The following PBX4 variants were observed in gnomAD, a reference collection of about 807,000 sequenced individuals.
PBX4 encodes the protein PBX homeobox 4.
PBX4 carries 26 observed loss-of-function variants against 35.1 expected under a neutral mutation model. The observed-to-expected ratio is 0.74, with a 90% CI of 0.54 to 1.03. PBX4 has a LOEUF of 1.03. Among genes scored for constraint, PBX4 ranks in the 50% least tolerant of loss-of-function variants. PBX4 has a pLI of 0.00. For synonymous variants in PBX4, 199 were observed against 204.2 expected, an observed-to-expected ratio of 0.97 and a Z score of 0.22; for missense variants, 448 against 504.3, an observed-to-expected ratio of 0.89 and a Z score of 1.07.
rs543238502 is a variant in PBX4, at chr19:19,570,475, C to T, written c.441+111G>A. ...AATGGACCACCTCTGCAGCGACCAA[C>T]TGCATGGACTCCCTGTTCTGCGCCA... On this transcript the variant is annotated intron_variant, in intron 3 of 7. Transcript: ENST00000251203. 2.6e-5 allele frequency: 39 copies of T among 1,517,894 alleles called. 1 individual carries two copies. In the South Asian group the frequency reaches 4.4e-4, roughly 17 times the overall value. The allele number at this position is 1,517,894 out of a possible 1,614,324, so 94.0% of individuals were successfully genotyped here. A position where few individuals can be genotyped will look rare whatever the true frequency, so the allele number is the denominator to read the frequency against.
At chr19:19,567,497 A>C (rs984032884) in intron 5 of PBX4, among the ~76,000 whole-genome samples, 1 of 152,148 alleles carries the variant, frequency 6.6e-6, no homozygotes, top group African/African-American at 2.4e-5. Context: ...ACATGCAGCA[A>C]GCCATGCTGT....
At chr19:19,604,631 C>T (rs183451514) in intron 1 of PBX4, among the ~76,000 whole-genome samples, 17 of 151,194 alleles carry the variant, frequency 1.1e-4, no homozygotes, top group Admixed American at 7.9e-4. Context: ...GATGGAGTCT[C>T]GCTCTGTCAC....
chr19:19,600,154 A>G (rs2061588351), intron 1 of PBX4, among the ~76,000 whole-genome samples: 1 of 151,524 alleles, frequency 6.6e-6, no homozygotes, highest in South Asian at 2.1e-4. Flanking sequence ...TAATAATAAT[A>G]ATAATAATGT....
chr19:19,605,406 C>T (rs1333306803), intron 1 of PBX4, among the ~76,000 whole-genome samples: 2 of 106,070 alleles, frequency 1.9e-5, no homozygotes, highest in Non-Finnish European at 4.3e-5. Flanking sequence ...CAGAACAAGA[C>T]TCTGTCTCAA....
At position 19,563,720 on chromosome 19, in the gene PBX4, T is replaced by G; in HGVS notation, c.926-105A>C. On this transcript the variant is annotated intron_variant, in intron 6 of 7. Coordinates refer to ENST00000251203, the MANE Select transcript of PBX4 (RefSeq NM_025245.3). The surrounding 1 kb of genome is among the most constrained non-coding windows in gnomAD (Gnocchi z 5.1). ...AGGCCTCGAATGTGGCTCCTGCCCC[T>G]CCTCAGCATCCGGCCTCTGCTCCTC... The G allele has an allele frequency of 1.1e-6, 1 of 937,470 alleles. No homozygotes were observed. Among genetic ancestry groups the G allele is most frequent in the Non-Finnish European group, 1.7e-6 (1 of 593,914 alleles). The allele number at this position is 937,470 out of a possible 1,614,324, so 58.1% of individuals were successfully genotyped here. A position where few individuals can be genotyped will look rare whatever the true frequency, so the allele number is the denominator to read the frequency against.
intron 2 of PBX4, among the ~76,000 whole-genome samples, chr19:19,582,213 G>A (rs560472052): frequency 6.6e-5 from 10 of 152,330 alleles, no homozygotes; most frequent in African/African-American, 2.4e-4. Flanking sequence ...GGGCAAGGAA[G>A]TGCTGGGTAG....
chr19:19,566,247 C>T (rs1339668163), intron 5 of PBX4, among the ~76,000 whole-genome samples: 2 of 152,198 alleles, frequency 1.3e-5, no homozygotes, highest in African/African-American at 4.8e-5. Flanking sequence ...TGCTTGGGCT[C>T]CATCTGCTCT....
At chr19:19,570,010 GAC>G in intron 4 of PBX4, 97 bp downstream of exon 4, 2 of 1,285,730 alleles carry the variant, frequency 1.6e-6, no homozygotes, top group South Asian at 1.6e-5. Flanking sequence ...CGTGACTGCA[GAC>G]ACAGCCTCCA....
intron 1 of PBX4, among the ~76,000 whole-genome samples, chr19:19,617,057 C>G (rs1223196561): frequency 6.6e-6 from 1 of 152,204 alleles, no homozygotes; most frequent in Non-Finnish European, 1.5e-5. Context: ...CCGCTTTTTA[C>G]ATCCTCTTTC....
intron 4 of PBX4, among the ~76,000 whole-genome samples, chr19:19,569,842 G>A (rs1413552060): frequency 6.6e-6 from 1 of 152,162 alleles, no homozygotes; most frequent in Non-Finnish European, 1.5e-5. Context: ...CCTGGGAGGC[G>A]GAGGTTGTGG....
intron 5 of PBX4, among the ~76,000 whole-genome samples, chr19:19,565,739 G>A (rs1015735552): frequency 2.0e-5 from 3 of 151,984 alleles, no homozygotes; most frequent in Admixed American, 1.3e-4. Flanking sequence ...ACAACATGGA[G>A]AAACCCCATC....
intron 2 of PBX4, among the ~76,000 whole-genome samples, chr19:19,589,506 T>C (rs1298445996): frequency 1.3e-5 from 2 of 151,950 alleles, no homozygotes; most frequent in East Asian, 1.9e-4. Context: ...CGGTGGCTCA[T>C]GCCTGTAAAT....
chr19:19,604,055 T>G (rs1478111553), intron 1 of PBX4, among the ~76,000 whole-genome samples: 22 of 152,120 alleles, frequency 1.4e-4, no homozygotes, highest in Non-Finnish European at 3.2e-4. Flanking sequence ...ACTATTATGA[T>G]GATTTTAAAT....
intron 6 of PBX4, among the ~76,000 whole-genome samples, chr19:19,564,488 C>A (rs1034833634): frequency 4.6e-5 from 7 of 152,224 alleles, no homozygotes; most frequent in African/African-American, 1.4e-4. Flanking sequence ...TGGTCTCTAT[C>A]TCCTGACCTC....
At chr19:19,606,532 T>A (rs959408534) in intron 1 of PBX4, 14 of 152,142 alleles carry the variant, frequency 9.2e-5, no homozygotes, top group Non-Finnish European at 2.1e-4. Flanking sequence ...CCAAGGAAAC[T>A]GTGAGATAAT....
At chr19:19,585,156 T>A (rs879103333) in intron 2 of PBX4, among the ~76,000 whole-genome samples, 1 of 151,924 alleles carries the variant, frequency 6.6e-6, no homozygotes, top group Non-Finnish European at 1.5e-5. Context: ...TGAAACCCCA[T>A]CTCTATTAAA....
intron 2 of PBX4, among the ~76,000 whole-genome samples, chr19:19,581,739 A>ATT (rs2061455443): frequency 6.6e-6 from 1 of 152,178 alleles, no homozygotes; most frequent in African/African-American, 2.4e-5. Flanking sequence ...ATGCCAGCCC[A>ATT]GGGGTGTCAG....
At chr19:19,616,782 C>T (rs1437941265) in intron 1 of PBX4, among the ~76,000 whole-genome samples, 1 of 151,810 alleles carries the variant, frequency 6.6e-6, no homozygotes, top group African/African-American at 2.4e-5. Flanking sequence ...CTCCCAGGTT[C>T]CAGTGATTCT....
At chr19:19,570,518 G>A (rs1458135608) in intron 3 of PBX4, 68 bp downstream of exon 3, 11 of 1,581,424 alleles carry the variant, frequency 7.0e-6, no homozygotes, top group Non-Finnish European at 9.5e-6. Flanking sequence ...AAGGTGGTTA[G>A]CGTTCCGTGT....
Sources: gnomAD v4.1 joint callset for allele counts (sites outside exome capture counted in the v4.1 genomes callset) on GRCh38, gnomAD v4.1.1 for gene constraint, Gnocchi (gnomAD v3.1) non-coding constraint, MANE v1.5 for transcripts, NCBI Gene and HGNC (gene_info 2026-07-23, HGNC 2026-07-21) for gene names.